ACO2: variants seen among roughly 807,000 people sequenced by gnomAD.
ACO2 encodes the protein aconitase 2.
In ACO2, 31 loss-of-function variants were observed where a neutral mutation model predicts 84.5. That is an observed-to-expected ratio of 0.37 (90% confidence interval 0.28 to 0.50). ACO2 has a LOEUF of 0.50. ACO2 is among the 20% of genes least tolerant of loss of function. The pLI, the probability that ACO2 is intolerant of heterozygous loss-of-function variation, is 0.97. For missense variants in ACO2, 685 were observed against 1,029.3 expected, an observed-to-expected ratio of 0.67 and a Z score of 4.58; for synonymous variants, 414 against 412.7, an observed-to-expected ratio of 1.00 and a Z score of -0.04.
chr22:41,483,387 T>C (rs1311015128), intron 1 of ACO2, among the ~76,000 whole-genome samples: 1 of 152,218 alleles, frequency 6.6e-6, no homozygotes, highest in Non-Finnish European at 1.5e-5. Context: ...CTGGGTGCAG[T>C]GGCTTATGCC....
At chr22:41,498,479 G>A (rs954033546) in intron 1 of ACO2, among the ~76,000 whole-genome samples, 8 of 152,172 alleles carry the variant, frequency 5.3e-5, no homozygotes, top group African/African-American at 1.2e-4. Context: ...GTTCTGGCTT[G>A]GGGCCTCTCC....
intron 4 of ACO2, chr22:41,512,179 C>A (rs1464810144): frequency 8.3e-6 from 4 of 482,074 alleles, no homozygotes; most frequent in Admixed American, 4.2e-5. Context: ...TAAAATAATA[C>A]CTCCTAACCA....
chr22:41,487,505 G>A (rs911422344), intron 1 of ACO2, among the ~76,000 whole-genome samples: 4 of 152,166 alleles, frequency 2.6e-5, no homozygotes, highest in African/African-American at 7.2e-5. Flanking sequence ...TCAGGAAGAC[G>A]TTAGTTTAAA....
intron 1 of ACO2, among the ~76,000 whole-genome samples, chr22:41,497,577 C>T (rs999493808): frequency 2.0e-5 from 3 of 150,958 alleles, no homozygotes; most frequent in African/African-American, 7.3e-5. Context: ...CCTATCACTA[C>T]AAAAAATAAA....
chr22:41,485,820 C>T (rs1416809539), intron 1 of ACO2, among the ~76,000 whole-genome samples: 2 of 152,154 alleles, frequency 1.3e-5, no homozygotes, highest in Non-Finnish European at 2.9e-5. Flanking sequence ...CTCCCGACCT[C>T]AGGTGATCCG....
At chr22:41,498,909 CGTG>C (rs1473922976) in intron 1 of ACO2, among the ~76,000 whole-genome samples, 1 of 152,050 alleles carries the variant, frequency 6.6e-6, no homozygotes, top group East Asian at 1.9e-4. Flanking sequence ...GCCTGGCCAA[CGTG>C]GTGAAACCCC....
intron 4 of ACO2, 47 bp downstream of exon 4, chr22:41,512,015 G>A: frequency 6.6e-7 from 1 of 1,518,358 alleles, no homozygotes; most frequent in Non-Finnish European, 9.0e-7. Context: ...AGCCAGAGAA[G>A]TATGTTCCAG....
At chr22:41,478,058 CTG>C (rs1293616360) in intron 1 of ACO2, among the ~76,000 whole-genome samples, 3 of 151,958 alleles carry the variant, frequency 2.0e-5, no homozygotes, top group South Asian at 2.1e-4. Context: ...GAGCGAGACT[CTG>C]TCTCAAAAAA....
intron 16 of ACO2, 67 bp downstream of exon 16, chr22:41,527,487 C>G: frequency 3.2e-6 from 5 of 1,544,652 alleles, no homozygotes; most frequent in Non-Finnish European, 4.4e-6. Flanking sequence ...CTCTCCCTGC[C>G]CGTGGCTGAG....
chr22:41,498,068 C>T (rs570608651), intron 1 of ACO2, among the ~76,000 whole-genome samples: 5 of 152,214 alleles, frequency 3.3e-5, no homozygotes, highest in African/African-American at 9.6e-5. Context: ...TGCTTGAACC[C>T]GGGAGGCGGA....
At chr22:41,497,838 A>C (rs2066325936) in intron 1 of ACO2, among the ~76,000 whole-genome samples, 1 of 146,670 alleles carries the variant, frequency 6.8e-6, no homozygotes, top group Non-Finnish European at 1.5e-5. Context: ...AGCCAAGATC[A>C]TGCCACTGCA....
At chr22:41,522,548 A>G (rs1053227726) in intron 9 of ACO2, among the ~76,000 whole-genome samples, 1 of 152,184 alleles carries the variant, frequency 6.6e-6, no homozygotes, top group African/African-American at 2.4e-5. Flanking sequence ...ACGTGCCTAC[A>G]CGTGTACATG....
chr22:41,485,440 T>TGTA (rs2038140866), intron 1 of ACO2, among the ~76,000 whole-genome samples: 1 of 142,172 alleles, frequency 7.0e-6, no homozygotes, highest in Non-Finnish European at 1.5e-5. Flanking sequence ...GCTAATTTTT[T>TGTA]TTTTTTTTTT....
chr22:41,472,662 G>C (rs935376008), intron 1 of ACO2, among the ~76,000 whole-genome samples: 1 of 152,096 alleles, frequency 6.6e-6, no homozygotes, highest in African/African-American at 2.4e-5. Flanking sequence ...TGTTGCCCAG[G>C]CTAGTCTCAA....
intron 1 of ACO2, among the ~76,000 whole-genome samples, chr22:41,479,132 G>A (rs567247345): frequency 2.0e-5 from 3 of 152,082 alleles, no homozygotes; most frequent in Admixed American, 1.3e-4. Context: ...TATAATACAC[G>A]GTACTGAAGC....
intron 3 of ACO2, among the ~76,000 whole-genome samples, chr22:41,510,492 C>T (rs1036283075): frequency 1.3e-5 from 2 of 152,246 alleles, no homozygotes; most frequent in Non-Finnish European, 1.5e-5. Flanking sequence ...AGAGGGCACA[C>T]ACTGGTCTGG....
At position 41,486,800 on chromosome 22, in the gene ACO2, C is replaced by T. The variant is rs2038163025; in HGVS notation, c.37-12926C>T. Among the ~76,000 whole-genome samples the T allele has an allele frequency of 2.6e-5, 4 of 152,138 alleles. No homozygotes were observed. In the South Asian group the frequency reaches 6.2e-4, roughly 24 times the overall value. Reference sequence around the variant, plus strand: ...TGTAGCATTTCTACACCTTCAAGGTCCCTCGTGATACCTGGTTCCTTTTTG... The same window carrying T: ...TGTAGCATTTCTACACCTTCAAGGTTCCTCGTGATACCTGGTTCCTTTTTG... On this transcript the variant is annotated intron_variant, in intron 1 of 17. Coordinates refer to ENST00000216254, the MANE Select transcript of ACO2 (RefSeq NM_001098.3).
Position 41,523,862 on chromosome 22 carries a change from T to C in ACO2, c.1403T>C (p.Ile468Thr), listed in dbSNP as rs768774436. 6.2e-7 allele frequency: 1 copy of C among 1,611,950 alleles called. No homozygotes were observed. The highest frequency in any genetic ancestry group is 8.5e-7 in the Non-Finnish European group (1 of 1,179,908). The change falls in exon 12 of 18, where the codon ATC becomes ACC. Residue 468 changes from isoleucine to threonine, a missense_variant. Ile to Thr is a moderately conservative substitution (Grantham distance 89). This residue lies in a region of ACO2 where 311 missense variants were observed against 441.6 expected (regional missense o/e 0.70). Transcript: ENST00000216254. Reference sequence around the variant, plus strand: ...ATCAAGAAGGGGGAGAAGAACACAATCGTCACCTCCTACAACAGGAACTTC... The same window carrying C: ...ATCAAGAAGGGGGAGAAGAACACAACCGTCACCTCCTACAACAGGAACTTC... The part of the protein sequence containing the change: ...KDIKKGEKNT[I>T]VTSYNRNFTG...
chr22:41,493,757 C>A (rs955039130), intron 1 of ACO2, among the ~76,000 whole-genome samples: 1 of 151,962 alleles, frequency 6.6e-6, no homozygotes, highest in Non-Finnish European at 1.5e-5. Flanking sequence ...TCCTGGGCAA[C>A]ATGTTGTAAA....
Sources: allele counts gnomAD v4.1 joint callset (sites outside exome capture counted in the v4.1 genomes callset), GRCh38; gene constraint gnomAD v4.1.1; regional missense constraint gnomAD v4.1.1; transcripts MANE v1.5; gene names NCBI Gene and HGNC (gene_info 2026-07-23, HGNC 2026-07-21).